The following CCNDBP1 variants were observed in gnomAD, a reference collection of about 807,000 sequenced individuals.
The protein encoded by CCNDBP1 is cyclin-D1-binding protein 1.
In CCNDBP1, 45 loss-of-function variants were observed where a neutral mutation model predicts 46.2. The ratio of observed to expected loss-of-function variants is 0.97; its 90% CI spans 0.77 to 1.25. The LOEUF (loss-of-function observed/expected upper bound fraction) is 1.25. Ranked by LOEUF, CCNDBP1 falls within the 50% of genes most tolerant of loss-of-function variation. The pLI, the probability that CCNDBP1 is intolerant of heterozygous loss-of-function variation, is 0.00. For synonymous variants in CCNDBP1, 154 were observed against 163.6 expected, an observed-to-expected ratio of 0.94 and a Z score of 0.45; for missense variants, 436 against 442.1, an observed-to-expected ratio of 0.99 and a Z score of 0.12.
chr15:43,189,121 AAAAAG>A (rs1057181328), intron 3 of CCNDBP1, 73 bp from the exon 4 acceptor site: 5 of 598,220 alleles, frequency 8.4e-6, no homozygotes, highest in African/African-American at 5.8e-5. Flanking sequence ...GAAAGAAAAG[AAAAAG>A]AAAAGAAATA....
intron 8 of CCNDBP1, among the ~76,000 whole-genome samples, chr15:43,192,479 A>C (rs2041969585): frequency 6.6e-6 from 1 of 152,210 alleles, no homozygotes; most frequent in South Asian, 2.1e-4. Flanking sequence ...TGATGGTTTC[A>C]CATCCTCACA....
chr15:43,189,697 T>C, intron 4 of CCNDBP1: 1 of 327,824 alleles, frequency 3.1e-6, no homozygotes, highest in Non-Finnish European at 5.6e-6. Context: ...ATGCATTGAT[T>C]ATAATCATGC....
Position 43,189,237 on chromosome 15 carries a change from CA to C in CCNDBP1, c.290del (p.Lys97ArgfsTer18), listed in dbSNP as rs750756341. On this transcript the variant is annotated frameshift_variant, in exon 4 of 11. Transcript: ENST00000300213. LOFTEE classifies it high-confidence loss of function. Reference sequence around the variant, plus strand: ...TCTGTGAACAAGTCCATGCTGCCATCAAGGCATTTATTGCAGTGTACTATTT... The same window carrying C: ...TCTGTGAACAAGTCCATGCTGCCATCAGGCATTTATTGCAGTGTACTATTT... ...KFCEQVHAAI[K>X]AFIAVYYLLP... is the part of the protein sequence containing the mutation. The C allele has an allele frequency of 3.1e-6, 5 of 1,612,388 alleles. No individual in the cohort carries two copies. The South Asian group carries it at 5.5e-5, about 18-fold the overall frequency.
intron 9 of CCNDBP1, 62 bp downstream of exon 9, chr15:43,192,865 G>T: frequency 1.4e-6 from 2 of 1,396,064 alleles, no homozygotes; most frequent in Non-Finnish European, 2.0e-6. Flanking sequence ...CTAATCACTA[G>T]TATTTCCTGT....
intron 9 of CCNDBP1, chr15:43,193,401 T>C (rs886848073): frequency 7.0e-6 from 1 of 142,442 alleles, no homozygotes; most frequent in Non-Finnish European, 1.5e-5. Flanking sequence ...TACACGGTAA[T>C]TTAGGAACTT....
At position 43,192,785 on chromosome 15, in the gene CCNDBP1, C is replaced by T. The variant is rs749166892; in HGVS notation, c.903C>T (p.His301=). 2 of 1,614,100 alleles carry T rather than the reference C, an allele frequency of 1.2e-6. No homozygotes were observed. The highest frequency in any genetic ancestry group is 1.7e-6 in the Non-Finnish European group (2 of 1,180,000). ...TGAGCATATATCCACCTATGTGTCACCTGACCGTGCGAATCAATGTAAGTA... is the reference window on the plus strand; with the variant it reads ...TGAGCATATATCCACCTATGTGTCATCTGACCGTGCGAATCAATGTAAGTA... The part of the protein sequence containing the change: ...LALSIYPPMC[H]LTVRINSAKL... Residue 301 remains histidine (H), a synonymous_variant, in exon 9 of 11, where the codon CAC becomes CAT. Transcript: ENST00000300213.
intron 3 of CCNDBP1, among the ~76,000 whole-genome samples, chr15:43,188,039 A>T (rs1191459455): frequency 6.6e-6 from 1 of 151,882 alleles, no homozygotes; most frequent in Non-Finnish European, 1.5e-5. Context: ...ATCTGTATGG[A>T]ATGATACTTT....
At chr15:43,191,117 G>C in intron 7 of CCNDBP1, 75 bp downstream of exon 7, 1 of 1,230,154 alleles carries the variant, frequency 8.1e-7, no homozygotes, top group South Asian at 1.2e-5. Flanking sequence ...GAGATTTCCT[G>C]AGCATTGACC....
chr15:43,190,025 A>G lies in CCNDBP1; in HGVS notation c.332-30A>G, dbSNP rs373929076. ...AGATGGTGCTTCTGAAAAGAACACC[A>G]GGTTGCTTATTCTTTGGGTTTGGCC... On this transcript the variant is annotated intron_variant, in intron 4 of 10. Coordinates refer to ENST00000300213, the MANE Select transcript of CCNDBP1 (RefSeq NM_012142.5). The G allele has an allele frequency of 3.3e-5, 52 of 1,584,248 alleles. No homozygotes were observed. The African/African-American group carries it at 6.7e-4, about 20-fold the overall frequency.
chr15:43,192,044 A>G (rs1377125150), intron 8 of CCNDBP1, among the ~76,000 whole-genome samples: 1 of 152,198 alleles, frequency 6.6e-6, no homozygotes, highest in Admixed American at 6.5e-5. Context: ...TAATAGTATT[A>G]TCTAATATTC....
Position 43,189,307 on chromosome 15 carries a change from C to T in CCNDBP1, c.331+27C>T, listed in dbSNP as rs755369340. On this transcript the variant is annotated intron_variant, in intron 4 of 10. Coordinates refer to ENST00000300213, the MANE Select transcript of CCNDBP1 (RefSeq NM_012142.5). ...TAAGCCACATAAGTGTTGCATTTAT[C>T]GTGTAGATCTTTGCTAATATTGTGG... is the stretch of plus-strand genomic sequence containing the variant. 6.5e-5 allele frequency: 89 copies of T among 1,362,198 alleles called. No individual in the cohort carries two copies. The South Asian group carries it at 9.2e-4, about 14-fold the overall frequency. The allele number at this position is 1,362,198 out of a possible 1,614,324, so 84.4% of individuals were successfully genotyped here.
chr15:43,185,904 C>T (rs771462816), intron 2 of CCNDBP1, 25 bp downstream of exon 2: 3 of 1,601,964 alleles, frequency 1.9e-6, no homozygotes, highest in African/African-American at 1.3e-5. Context: ...TTCCGGGCTC[C>T]CCTTGCCTCA....
In CCNDBP1 at chr15:43,185,503, C is replaced by G; in HGVS notation, c.5C>G (p.Ala2Gly). The G allele has an allele frequency of 6.3e-7, 1 of 1,589,262 alleles. No individual in the cohort carries two copies. The highest frequency in any genetic ancestry group is 8.5e-7 in the Non-Finnish European group (1 of 1,171,290). The change falls in exon 1 of 11, where the codon GCG becomes GGG. Residue 2 changes from alanine to glycine, a missense_variant. Physicochemically the swap from Ala to Gly is moderately conservative, Grantham distance 60. Transcript: ENST00000300213. M[A>G]SATAPAAAVP... is the part of the protein sequence containing the mutation. ...GGCCTTCGGCAAGCGACTGAGATGG[C>G]GAGCGCAACTGCACCTGCAGCCGCA...
chr15:43,194,210 A>AT (rs1429461563), intron 9 of CCNDBP1: 55 of 508,208 alleles, frequency 1.1e-4, no homozygotes, highest in Non-Finnish European at 1.5e-4. Context: ...TTAAAATGTT[A>AT]TAGCAATAGT....
chr15:43,188,877 G>A (rs2041895344), intron 3 of CCNDBP1: 1 of 196,168 alleles, frequency 5.1e-6, no homozygotes, highest in Non-Finnish European at 1.1e-5. Context: ...AGGAGTTCGA[G>A]ACCAGTGTGG....
In CCNDBP1 at chr15:43,189,220, C is replaced by G. The variant is rs2041909421; in HGVS notation, c.271C>G (p.Gln91Glu). The G allele has an allele frequency of 6.2e-7, 1 of 1,610,146 alleles. No homozygotes were observed. Among genetic ancestry groups the G allele is most frequent in the South Asian group, 1.1e-5 (1 of 90,700 alleles). The change falls in exon 4 of 11, where the codon CAA becomes GAA. Residue 91 changes from glutamine (Q) to glutamate (E), a missense_variant. Physicochemically the swap from Gln to Glu is conservative, Grantham distance 29 (BLOSUM62 2). Coordinates refer to ENST00000300213, the MANE Select transcript of CCNDBP1 (RefSeq NM_012142.5). Reference protein sequence around the residue: ...SPQETQKFCEQVHAAIKAFIA... With the variant: ...SPQETQKFCEEVHAAIKAFIA... Reference sequence around the variant, plus strand: ...ATAGGAAACCCAGAAGTTCTGTGAACAAGTCCATGCTGCCATCAAGGCATT... The same window carrying G: ...ATAGGAAACCCAGAAGTTCTGTGAAGAAGTCCATGCTGCCATCAAGGCATT...
intron 6 of CCNDBP1, 108 bp from the exon 7 acceptor site, chr15:43,190,858 C>T (rs571872313): frequency 8.2e-5 from 70 of 852,972 alleles, no homozygotes; most frequent in Admixed American, 6.6e-4. Context: ...CCTTGTCAAC[C>T]GTCCTTGGCA....
intron 3 of CCNDBP1, 98 bp from the exon 4 acceptor site, chr15:43,189,101 A>AG (rs1555469929): frequency 0.037 from 6,036 of 164,842 alleles, 655 homozygotes; most frequent in South Asian, 0.075. Flanking sequence ...AAAAAAAAAA[A>AG]AAAGAAAAAG....
At chr15:43,191,319 TA>T (rs1460655495) in intron 7 of CCNDBP1, 75 bp from the exon 8 acceptor site, 19 of 1,441,556 alleles carry the variant, frequency 1.3e-5, no homozygotes, top group Non-Finnish European at 1.7e-5. Context: ...GACATCGTGG[TA>T]AAAGTATAAT....
Sources: allele counts gnomAD v4.1 joint callset (sites outside exome capture counted in the v4.1 genomes callset), GRCh38; gene constraint gnomAD v4.1.1; transcripts MANE v1.5; gene names NCBI Gene and HGNC (gene_info 2026-07-23, HGNC 2026-07-21).